Variants in CMSS1 observed in about 807,000 individuals in gnomAD.
CMSS1 encodes the protein cms1 ribosomal small subunit homolog, also known as protein CMSS1.
CMSS1 carries 33 observed loss-of-function variants against 43.5 expected under a neutral mutation model. That is an observed-to-expected ratio of 0.76 (90% CI 0.57 to 1.01). The LOEUF (loss-of-function observed/expected upper bound fraction) is 1.01, where lower values mean the gene tolerates loss of function less well. CMSS1 is among the 50% of genes least tolerant of loss of function. The probability of loss-of-function intolerance (pLI) is 0.00; values close to 1 mark genes in which losing one functional copy is unlikely to be tolerated. For missense variants in CMSS1, 313 were observed against 326.4 expected, an observed-to-expected ratio of 0.96 and a Z score of 0.32; for synonymous variants, 115 against 117.2, an observed-to-expected ratio of 0.98 and a Z score of 0.12.
intron 1 of CMSS1, among the ~76,000 whole-genome samples, chr3:100,101,788 A>G (rs111657717): frequency 6.6e-6 from 1 of 151,892 alleles, no homozygotes; most frequent in African/African-American, 2.4e-5. Context: ...ACCCCACAAC[A>G]GGCCCCAGTG....
At chr3:100,067,992 C>A (rs1184494280) in intron 1 of CMSS1, among the ~76,000 whole-genome samples, 1 of 152,162 alleles carries the variant, frequency 6.6e-6, no homozygotes, top group Non-Finnish European at 1.5e-5. Flanking sequence ...CCTCCAAGAA[C>A]CCTCTTTTAA....
chr3:100,169,706 C>T (rs1429316493), intron 6 of CMSS1, among the ~76,000 whole-genome samples: 1 of 152,160 alleles, frequency 6.6e-6, no homozygotes, highest in Admixed American at 6.6e-5. Flanking sequence ...CTGCTCTAAA[C>T]ATAATTATCT....
chr3:100,039,528 T>TA (rs1348355528), intron 1 of CMSS1, among the ~76,000 whole-genome samples: 1 of 152,158 alleles, frequency 6.6e-6, no homozygotes, highest in East Asian at 1.9e-4. Flanking sequence ...TTCAGTCTTA[T>TA]AATATGCGGG....
intron 1 of CMSS1, among the ~76,000 whole-genome samples, chr3:99,860,905 T>G (rs982439300): frequency 1.3e-5 from 2 of 152,332 alleles, no homozygotes; most frequent in South Asian, 4.1e-4. Flanking sequence ...CTCCTATCAC[T>G]CTTTTAATTT....
chr3:99,981,454 CTT>C (rs1001175816), intron 1 of CMSS1, among the ~76,000 whole-genome samples: 1 of 152,122 alleles, frequency 6.6e-6, no homozygotes, highest in African/African-American at 2.4e-5. Context: ...TCTGGCCACT[CTT>C]ATTAGTATTC....
At chr3:100,153,007 GTT>G (rs1333248945) in intron 2 of CMSS1, among the ~76,000 whole-genome samples, 8 of 152,126 alleles carry the variant, frequency 5.3e-5, no homozygotes, top group African/African-American at 1.9e-4. Flanking sequence ...ACTGACTAAT[GTT>G]TAATATTTAT....
chr3:100,063,780 G>C (rs1473752336), intron 1 of CMSS1, among the ~76,000 whole-genome samples: 10 of 152,118 alleles, frequency 6.6e-5, no homozygotes, highest in East Asian at 1.9e-4. Context: ...CTGGACTTCA[G>C]GGTACAGAGG....
chr3:100,045,015 C>G (rs573989434), intron 1 of CMSS1, among the ~76,000 whole-genome samples: 2 of 152,250 alleles, frequency 1.3e-5, no homozygotes, highest in South Asian at 4.1e-4. Context: ...GGACTAGATC[C>G]TAAGCTCAGT....
intron 1 of CMSS1, among the ~76,000 whole-genome samples, chr3:100,024,863 C>G (rs913547390): frequency 7.2e-5 from 11 of 152,060 alleles, no homozygotes; most frequent in African/African-American, 2.2e-4. Flanking sequence ...ACATTCGTAG[C>G]CAAGCAGGCT....
intron 1 of CMSS1, among the ~76,000 whole-genome samples, chr3:99,876,606 G>A (rs1016294124): frequency 6.6e-6 from 1 of 152,174 alleles, no homozygotes; most frequent in Non-Finnish European, 1.5e-5. Flanking sequence ...GAAAGGAGAA[G>A]TCTGGGGTTT....
intron 1 of CMSS1, among the ~76,000 whole-genome samples, chr3:100,091,153 C>T (rs1200648957): frequency 1.3e-5 from 2 of 151,704 alleles, no homozygotes; most frequent in Non-Finnish European, 2.9e-5. Flanking sequence ...GGCATGGTGG[C>T]GGGCACCTGT....
intron 1 of CMSS1, among the ~76,000 whole-genome samples, chr3:100,128,812 C>T (rs2066682663): frequency 6.6e-6 from 1 of 152,158 alleles, no homozygotes; most frequent in African/African-American, 2.4e-5. Flanking sequence ...GAGATTAATC[C>T]ACGTTGTTGC....
At chr3:99,929,513 AGT>A (rs10629410) in intron 1 of CMSS1, among the ~76,000 whole-genome samples, 2,354 of 147,956 alleles carry the variant, frequency 0.016, 30 homozygotes, top group East Asian at 0.038. Flanking sequence ...AAGTTCCCAG[AGT>A]GTGTGTGTGT....
intron 1 of CMSS1, among the ~76,000 whole-genome samples, chr3:100,087,264 G>T (rs1316426814): frequency 6.6e-6 from 1 of 152,196 alleles, no homozygotes; most frequent in Non-Finnish European, 1.5e-5. Context: ...ATCTTATAAA[G>T]AACTGCCAAA....
intron 8 of CMSS1, chr3:100,176,108 G>T: frequency 2.4e-6 from 1 of 411,760 alleles, no homozygotes; most frequent in South Asian, 4.1e-5. Context: ...CAGTTTCTCT[G>T]CTTTCCTCAG....
chr3:100,056,632 G>A (rs1470906204), intron 1 of CMSS1, among the ~76,000 whole-genome samples: 1 of 151,864 alleles, frequency 6.6e-6, no homozygotes, highest in Non-Finnish European at 1.5e-5. Context: ...TGAGTTTCTA[G>A]GCAGCTGGAA....
intron 1 of CMSS1, among the ~76,000 whole-genome samples, chr3:100,081,301 T>C (rs1031777149): frequency 5.9e-5 from 9 of 152,354 alleles, no homozygotes; most frequent in African/African-American, 2.2e-4. Flanking sequence ...TCACCTTTCA[T>C]GTAAAACAAA....
intron 1 of CMSS1, among the ~76,000 whole-genome samples, chr3:99,993,340 C>T (rs1422454535): frequency 1.3e-5 from 2 of 151,940 alleles, no homozygotes; most frequent in Non-Finnish European, 2.9e-5. Context: ...GAGCTTGGAA[C>T]TTCACTAGTT....
intron 1 of CMSS1, among the ~76,000 whole-genome samples, chr3:99,916,049 TG>T (rs978964135): frequency 6.6e-6 from 1 of 152,218 alleles, no homozygotes; most frequent in Non-Finnish European, 1.5e-5. Flanking sequence ...GACTGGGCCA[TG>T]GGATGTCTGA....
Sources: allele counts gnomAD v4.1 joint callset (sites outside exome capture counted in the v4.1 genomes callset), GRCh38; gene constraint gnomAD v4.1.1; transcripts MANE v1.5; gene names NCBI Gene and HGNC (gene_info 2026-07-23, HGNC 2026-07-21).